Variants in ENAH observed in about 807,000 individuals in gnomAD.
ENAH encodes the protein ENAH actin regulator, also known as protein enabled homolog.
In ENAH, 23 loss-of-function variants were observed where a neutral mutation model predicts 78.7. The ratio of observed to expected loss-of-function variants is 0.29; its 90% CI spans 0.21 to 0.41. The LOEUF (loss-of-function observed/expected upper bound fraction) is 0.41, where lower values mean the gene tolerates loss of function less well. ENAH is among the 10% of genes least tolerant of loss of function. The pLI, the probability that ENAH is intolerant of heterozygous loss-of-function variation, is 1.00. For missense variants in ENAH, 544 were observed against 691.0 expected, an observed-to-expected ratio of 0.79 and a Z score of 2.39; for synonymous variants, 226 against 241.0, an observed-to-expected ratio of 0.94 and a Z score of 0.58.
At chr1:225,623,879 G>A (rs555072308) in intron 1 of ENAH, among the ~76,000 whole-genome samples, 3 of 152,012 alleles carry the variant, frequency 2.0e-5, no homozygotes, top group South Asian at 2.1e-4. Context: ...GTAAGCCACC[G>A]GGCCCAGTCA....
intron 1 of ENAH, among the ~76,000 whole-genome samples, chr1:225,616,299 C>G (rs1357313491): frequency 6.7e-6 from 1 of 149,616 alleles, no homozygotes; most frequent in East Asian, 1.9e-4. Context: ...ATCCCCCCTC[C>G]GAGAAACACC....
chr1:225,653,438 C>G (rs1663440592), upstream of ENAH, among the ~76,000 whole-genome samples: 1 of 147,366 alleles, frequency 6.8e-6, no homozygotes, highest in Non-Finnish European at 1.5e-5. This position sits in a 1 kb window ranked among gnomAD's most constrained non-coding sequence, Gnocchi z 4.3. Context: ...CCCAACACCT[C>G]CGGCCAGTTG....
At chr1:225,586,484 T>G (rs1369540640) in intron 1 of ENAH, among the ~76,000 whole-genome samples, 5 of 152,090 alleles carry the variant, frequency 3.3e-5, no homozygotes, top group Admixed American at 3.3e-4. Context: ...ATTTCCAGCT[T>G]GATTCATGAG....
chr1:225,547,658 G>A (rs1326026041), intron 3 of ENAH, among the ~76,000 whole-genome samples: 1 of 152,042 alleles, frequency 6.6e-6, no homozygotes, highest in Non-Finnish European at 1.5e-5. Flanking sequence ...ATCACCCAAA[G>A]GTCTCAAACG....
chr1:225,495,304 A>T lies in ENAH; in HGVS notation c.*2471T>A, dbSNP rs1352559860. 1 of 152,554 alleles carries T rather than the reference A, an allele frequency of 6.6e-6. No homozygotes were observed. The highest frequency in any genetic ancestry group is 2.4e-5 in the African/African-American group (1 of 41,450). 9.5% of individuals were successfully genotyped at this position (152,554 alleles called of 1,614,324 possible). On this transcript the variant is annotated 3_prime_UTR_variant, in exon 14 of 14. Coordinates refer to ENST00000366843, the MANE Select transcript of ENAH (RefSeq NM_018212.6). ...GTGGTTTTGATAAGGTAAATAACTT[A>T]GGCTTCTGTTTCCCATTTTAATTAC...
intron 2 of ENAH, among the ~76,000 whole-genome samples, chr1:225,563,382 G>A (rs2151484642): frequency 6.6e-6 from 1 of 152,266 alleles, no homozygotes; most frequent in East Asian, 1.9e-4. Context: ...TAACGGGAAT[G>A]CTCTTGACAC....
At chr1:225,629,679 T>C (rs6426081) in intron 1 of ENAH, among the ~76,000 whole-genome samples, 11,755 of 152,052 alleles carry the variant, frequency 0.077, 1,519 homozygotes, top group African/African-American at 0.27. Flanking sequence ...AGATATTACA[T>C]GGCAGAAAAA....
At chr1:225,516,006 T>C (rs980656709) in intron 6 of ENAH, among the ~76,000 whole-genome samples, 4 of 152,242 alleles carry the variant, frequency 2.6e-5, no homozygotes, top group Admixed American at 2.6e-4. Context: ...ATAACAAGCC[T>C]TGCAATGTTT....
At chr1:225,644,305 T>A (rs1661575406) in intron 1 of ENAH, among the ~76,000 whole-genome samples, 1 of 152,186 alleles carries the variant, frequency 6.6e-6, no homozygotes, top group Non-Finnish European at 1.5e-5. Flanking sequence ...TGATTTATTT[T>A]TCTAAAAATA....
chr1:225,605,710 G>A (rs1356021556), intron 1 of ENAH, among the ~76,000 whole-genome samples: 1 of 152,146 alleles, frequency 6.6e-6, no homozygotes, highest in Non-Finnish European at 1.5e-5. Context: ...TGAAGACAGG[G>A]CCTTAAAGAG....
chr1:225,651,344 A>G (rs1033355752), intron 1 of ENAH, among the ~76,000 whole-genome samples: 3 of 152,158 alleles, frequency 2.0e-5, no homozygotes, highest in Non-Finnish European at 2.9e-5. Context: ...CAACAAAGAT[A>G]TATCACAATA....
At chr1:225,543,763 C>T (rs994751276) in intron 3 of ENAH, among the ~76,000 whole-genome samples, 2 of 152,210 alleles carry the variant, frequency 1.3e-5, no homozygotes, top group African/African-American at 4.8e-5. Context: ...AGAACAGCAT[C>T]TACCCCTTAG....
chr1:225,588,733 A>C (rs994450448), intron 1 of ENAH, among the ~76,000 whole-genome samples: 5 of 136,744 alleles, frequency 3.7e-5, no homozygotes, highest in Non-Finnish European at 6.1e-5. Context: ...TGAACATGGG[A>C]GGCGGAGGTT....
intron 2 of ENAH, among the ~76,000 whole-genome samples, chr1:225,566,263 T>TTTTGTTTGTTTG (rs56724885): frequency 1.3e-5 from 2 of 151,894 alleles, no homozygotes; most frequent in Non-Finnish European, 2.9e-5. Flanking sequence ...TTGTGTGTTT[T>TTTTGTTTGTTTG]TTTGTTTGTT....
chr1:225,628,097 G>A (rs942470791), intron 1 of ENAH, among the ~76,000 whole-genome samples: 4 of 152,160 alleles, frequency 2.6e-5, no homozygotes, highest in East Asian at 1.9e-4. Flanking sequence ...TCTCAACCAC[G>A]ATTATAATTC....
At chr1:225,640,892 A>C (rs1420317268) in intron 1 of ENAH, among the ~76,000 whole-genome samples, 1 of 144,778 alleles carries the variant, frequency 6.9e-6, no homozygotes, top group African/African-American at 2.6e-5. Context: ...ACAAGTACAT[A>C]CTTTTTTTTT....
At chr1:225,584,597 C>A (rs2096836187) in intron 1 of ENAH, among the ~76,000 whole-genome samples, 1 of 152,046 alleles carries the variant, frequency 6.6e-6, no homozygotes, top group Non-Finnish European at 1.5e-5. Flanking sequence ...TAAACACTCT[C>A]ATTAAAAGGC....
chr1:225,584,067 T>C (rs2147789927), intron 1 of ENAH, among the ~76,000 whole-genome samples: 1 of 149,934 alleles, frequency 6.7e-6, no homozygotes, highest in Non-Finnish European at 1.5e-5. Flanking sequence ...ACACAAGCAC[T>C]GCTTGAACCC....
In ENAH at chr1:225,512,642, T is replaced by A. The variant is rs1558727433; in HGVS notation, c.1422+15A>T. The A allele has an allele frequency of 1.2e-6, 2 of 1,609,476 alleles. No individual in the cohort carries two copies. The highest frequency in any genetic ancestry group is 1.7e-6 in the Non-Finnish European group (2 of 1,177,204). On this transcript the variant is annotated intron_variant, in intron 9 of 13. Coordinates refer to ENST00000366843, the MANE Select transcript of ENAH (RefSeq NM_018212.6). Reference sequence around the variant, plus strand: ...CCATATTTTAAGGTATGGTAGACTATCTTTATTAACTTACACCTTTGTCCT... The same window carrying A: ...CCATATTTTAAGGTATGGTAGACTAACTTTATTAACTTACACCTTTGTCCT...
Sources: gnomAD v4.1 joint callset for allele counts (sites outside exome capture counted in the v4.1 genomes callset) on GRCh38, gnomAD v4.1.1 for gene constraint, Gnocchi (gnomAD v3.1) non-coding constraint, MANE v1.5 for transcripts, NCBI Gene and HGNC (gene_info 2026-07-23, HGNC 2026-07-21) for gene names.